HSPG2: variants seen among roughly 807,000 people sequenced by gnomAD.
The protein encoded by HSPG2 is basement membrane-specific heparan sulfate proteoglycan core protein.
HSPG2 carries 278 observed loss-of-function variants against 526.6 expected under a neutral mutation model. That is an observed-to-expected ratio of 0.53 (90% CI 0.48 to 0.58). HSPG2 has a LOEUF of 0.58. Ranked by LOEUF, HSPG2 falls within the 20% of genes least tolerant of loss-of-function variation. The pLI, the probability that HSPG2 is intolerant of heterozygous loss-of-function variation, is 0.00. For missense variants in HSPG2, 5,354 were observed against 6,099.5 expected (o/e 0.88, Z 4.07); for synonymous variants, 2,465 against 2,555.4 (o/e 0.96, Z 1.07).
rs1431679446 is a variant in HSPG2, at chr1:21,937,195, G to A, written c.23C>T (p.Ala8Val). The A allele has an allele frequency of 9.2e-7, 1 of 1,085,102 alleles. No homozygotes were observed. The highest frequency in any genetic ancestry group is 1.1e-6 in the Non-Finnish European group (1 of 883,852). The allele number at this position is 1,085,102 out of a possible 1,614,324, so 67.2% of individuals were successfully genotyped here. The part of the protein sequence containing the change: MGWRAAG[A>V]LLLALLLHGR... ...GTGCAGCAGCAGCGCCAGCAGCAGC[G>A]CGCCCGCCGCCCGCCACCCCATGGC... The change falls in exon 1 of 97, where the codon GCG becomes GTG. Residue 8 changes from alanine to valine, a missense_variant. Coordinates refer to ENST00000374695, the MANE Select transcript of HSPG2 (RefSeq NM_005529.7).
chr1:21,837,175 A>G (rs747076231), intron 74 of HSPG2, among the ~76,000 whole-genome samples, 169 bp from the exon 75 acceptor site: 1 of 152,234 alleles, frequency 6.6e-6, no homozygotes, highest in Non-Finnish European at 1.5e-5. Context: ...ATCTGCACAC[A>G]CAGCTGCCAT....
Position 21,887,993 on chromosome 1 carries a change from C to A in HSPG2, c.648G>T (p.Glu216Asp). Reference sequence around the variant, plus strand: ...AGTCGGGCCGCCGGTCACAGCGATACTCCAGGGCCACACACTCATTGTAGC... The same window carrying A: ...AGTCGGGCCGCCGGTCACAGCGATAATCCAGGGCCACACACTCATTGTAGC... The part of the protein sequence containing the change: ...CHSYNECVAL[E>D]YRCDRRPDCR... Residue 216 changes from glutamate to aspartate, a missense_variant, in exon 7 of 97, where the codon GAG (glutamate) becomes GAT (aspartate). Physicochemically the swap from Glu to Asp is conservative, Grantham distance 45 (BLOSUM62 2). Transcript: ENST00000374695. This position sits in a 1 kb window ranked among gnomAD's most constrained non-coding sequence, Gnocchi z 5.0. 6.2e-7 allele frequency: 1 copy of A among 1,614,200 alleles called. No homozygotes were observed. Among genetic ancestry groups the A allele is most frequent in the Non-Finnish European group, 8.5e-7 (1 of 1,180,040 alleles).
At chr1:21,925,690 C>G (rs1476417248) in intron 1 of HSPG2, among the ~76,000 whole-genome samples, 1 of 152,132 alleles carries the variant, frequency 6.6e-6, no homozygotes, top group African/African-American at 2.4e-5. Context: ...CTATAACCCT[C>G]TGCCAAGGCC....
At chr1:21,905,092 C>T (rs1372313238) in intron 1 of HSPG2, among the ~76,000 whole-genome samples, 2 of 152,064 alleles carry the variant, frequency 1.3e-5, no homozygotes, top group African/African-American at 4.8e-5. Context: ...TCCTGACTCA[C>T]CAACGGGTGA....
At chr1:21,875,826 G>A in intron 24 of HSPG2, 37 bp downstream of exon 24, 2 of 1,610,802 alleles carry the variant, frequency 1.2e-6, no homozygotes, top group Non-Finnish European at 1.7e-6. Context: ...GCAAGGGCCT[G>A]CCCGCACCCC....
chr1:21,881,939 T>C (rs1278138062), intron 13 of HSPG2, among the ~76,000 whole-genome samples: 1 of 49,648 alleles, frequency 2.0e-5, no homozygotes, highest in Non-Finnish European at 4.0e-5. Context: ...CAAGACTCTG[T>C]CTCAAAAAAA....
At position 21,858,960 on chromosome 1, in the gene HSPG2, C is replaced by G. The variant is rs1015730047; in HGVS notation, c.5293+606G>C. Reference sequence around the variant, plus strand: ...AGCAACAACTGCTCACGGTGGCAATCTGCTTGGTGACACAGCCTTTATGGA... The same window carrying G: ...AGCAACAACTGCTCACGGTGGCAATGTGCTTGGTGACACAGCCTTTATGGA... On this transcript the variant is annotated intron_variant, in intron 42 of 96. Coordinates refer to ENST00000374695, the MANE Select transcript of HSPG2 (RefSeq NM_005529.7). This position sits in a 1 kb window ranked among gnomAD's most constrained non-coding sequence, Gnocchi z 4.2. Among the ~76,000 whole-genome samples, 2 of 152,006 alleles carry G rather than the reference C, an allele frequency of 1.3e-5. No homozygotes were observed. Among genetic ancestry groups the G allele is most frequent in the South Asian group, 4.2e-4 (2 of 4,818 alleles).
At chr1:21,860,976 A>C (rs1044735055) in intron 39 of HSPG2, among the ~76,000 whole-genome samples, 1 of 152,262 alleles carries the variant, frequency 6.6e-6, no homozygotes, top group Middle Eastern at 3.2e-3. Context: ...GCACTGGCCC[A>C]GCCTGGAGAG....
intron 33 of HSPG2, among the ~76,000 whole-genome samples, chr1:21,867,937 C>G (rs144785728): frequency 1.3e-5 from 2 of 152,184 alleles, no homozygotes; most frequent in East Asian, 3.9e-4. Context: ...CCCATGTTGG[C>G]CAGGCTGGTC....
chr1:21,879,245 G>A (rs1046730927), intron 17 of HSPG2, 124 bp from the exon 18 acceptor site: 2 of 1,145,984 alleles, frequency 1.7e-6, no homozygotes, highest in Admixed American at 1.9e-5. Flanking sequence ...TTGCAGACAG[G>A]GGAGCATCAA....
In HSPG2 at chr1:21,829,533, GT is replaced by G; in HGVS notation, c.11841del (p.His3948ThrfsTer82). 6.2e-7 allele frequency: 1 copy of G among 1,613,050 alleles called. No individual in the cohort carries two copies. Among genetic ancestry groups the G allele is most frequent in the African/African-American group, 1.3e-5 (1 of 75,048 alleles). Reference protein sequence around the residue: ...SYLALPALTNTHHELRLDVEF... With the variant: ...SYLALPALTNXHHELRLDVEF... Reference sequence around the variant, plus strand: ...TCCACGTCCAGGCGTAGCTCGTGGTGTGTGTTGGTGAGGGCGGGCAGTGCCA... The same window carrying G: ...TCCACGTCCAGGCGTAGCTCGTGGTGGTGTTGGTGAGGGCGGGCAGTGCCA... On this transcript the variant is annotated frameshift_variant, in exon 87 of 97. Transcript: ENST00000374695. LOFTEE classifies it high-confidence loss of function.
chr1:21,882,434 C>T (rs1476307725), intron 13 of HSPG2, among the ~76,000 whole-genome samples: 1 of 151,298 alleles, frequency 6.6e-6, no homozygotes, highest in South Asian at 2.1e-4. Context: ...CACACACACA[C>T]ACACACACAG....
chr1:21,859,909 C>T lies in HSPG2; in HGVS notation c.5108G>A (p.Ser1703Asn), dbSNP rs764808131. 7.5e-6 allele frequency: 12 copies of T among 1,610,168 alleles called. No individual in the cohort carries two copies. The highest frequency in any genetic ancestry group is 1.0e-5 in the Non-Finnish European group (12 of 1,179,216). The change falls in exon 41 of 97, where the codon AGC becomes AAC. Residue 1703 changes from serine to asparagine, a missense_variant. Coordinates refer to ENST00000374695, the MANE Select transcript of HSPG2 (RefSeq NM_005529.7). This position sits in a 1 kb window ranked among gnomAD's most constrained non-coding sequence, Gnocchi z 5.3. ...GGACCAATAGAAGTAGTGGGGTGGG[C>T]TCCCACTGACCTGACACCGCAGGGA... ...SHSLRCQVSGSPPHYFYWSRE... is the reference protein window; with the variant it reads ...SHSLRCQVSGNPPHYFYWSRE...
At position 21,901,951 on chromosome 1, in the gene HSPG2, C is replaced by T. The variant is rs74919041; in HGVS notation, c.64-5641G>A. On this transcript the variant is annotated intron_variant, in intron 1 of 96. Transcript: ENST00000374695. Reference sequence around the variant, plus strand: ...GGGACATGAACCCAGACAAGGTCCCCATCCCCCTCTGCCAGGATGCAGGCT... The same window carrying T: ...GGGACATGAACCCAGACAAGGTCCCTATCCCCCTCTGCCAGGATGCAGGCT... Among the ~76,000 whole-genome samples the T allele has an allele frequency of 5.4e-3, 829 of 152,274 alleles. 8 individuals are homozygous for T. Among genetic ancestry groups the T allele is most frequent in the African/African-American group, 0.019 (804 of 41,552 alleles).
intron 1 of HSPG2, among the ~76,000 whole-genome samples, chr1:21,925,331 C>T (rs1390059168): frequency 6.6e-6 from 1 of 152,216 alleles, no homozygotes; most frequent in Non-Finnish European, 1.5e-5. Context: ...TGAAACAACA[C>T]AACGCGGGAC....
Position 21,864,125 on chromosome 1 carries a change from C to G in HSPG2, c.4715G>C (p.Cys1572Ser). The change falls in exon 37 of 97, where the codon TGC becomes TCC. Residue 1572 changes from cysteine (C) to serine (S), a missense_variant. Cys to Ser is a moderately radical substitution (Grantham distance 112). Coordinates refer to ENST00000374695, the MANE Select transcript of HSPG2 (RefSeq NM_005529.7). This position sits in a 1 kb window ranked among gnomAD's most constrained non-coding sequence, Gnocchi z 4.8. The stretch of plus-strand genomic sequence containing the variant: ...CGAGCAGGCCCCAGTCTCTGGGTGG[C>G]ACAGGTCTGAGTGGCCATTGCATTC... ...LCECNGHSDL[C>S]HPETGACSQC... is the part of the protein sequence containing the mutation. The G allele has an allele frequency of 6.4e-7, 1 of 1,555,630 alleles. No individual in the cohort carries two copies. Among genetic ancestry groups the G allele is most frequent in the Non-Finnish European group, 8.7e-7 (1 of 1,149,588 alleles).
chr1:21,862,583 C>CAAAAAAA (rs1164705115), intron 37 of HSPG2, among the ~76,000 whole-genome samples: 1 of 9,294 alleles, frequency 1.1e-4, no homozygotes, highest in African/African-American at 1.9e-4. Flanking sequence ...GACTCCATCT[C>CAAAAAAA]AAAAAAAAAA....
rs752099132 is a variant in HSPG2 at position 21,853,018 on chromosome 1, C to T, written c.6492G>A (p.Ala2164=). The T allele has an allele frequency of 4.3e-5, 70 of 1,613,776 alleles. No homozygotes were observed. The highest frequency in any genetic ancestry group is 3.3e-4 in the Middle Eastern group (2 of 6,080). ...IRIEPSSSHV[A]EGQTLDLNCV... ...AGTTCAGATCCAGGGTCTGCCCTTC[C>T]GCCACGTGTGAGGAGGAGGGCTCGA... The change falls in exon 51 of 97, where the codon GCG becomes GCA. Residue 2164 remains alanine, a synonymous_variant. Coordinates refer to ENST00000374695, the MANE Select transcript of HSPG2 (RefSeq NM_005529.7).
chr1:21,864,108 C>G lies in HSPG2; in HGVS notation c.4732G>C (p.Ala1578Pro). The change falls in exon 37 of 97, where the codon GCC becomes CCC. Residue 1578 changes from alanine to proline, a missense_variant. Physicochemically the swap from Ala to Pro is conservative, Grantham distance 27. Transcript: ENST00000374695. This position sits in a 1 kb window ranked among gnomAD's most constrained non-coding sequence, Gnocchi z 4.8. ...HSDLCHPETG[A>P]CSQCQHNAAG... ...CCTCGCTTGCAGCTCACCGAGCAGG[C>G]CCCAGTCTCTGGGTGGCACAGGTCT... is the stretch of plus-strand genomic sequence containing the variant. The G allele has an allele frequency of 6.4e-7, 1 of 1,552,972 alleles. No individual in the cohort carries two copies. The highest frequency in any genetic ancestry group is 8.7e-7 in the Non-Finnish European group (1 of 1,148,108).
Sources: gnomAD v4.1 joint callset for allele counts (sites outside exome capture counted in the v4.1 genomes callset) on GRCh38, gnomAD v4.1.1 for gene constraint, Gnocchi (gnomAD v3.1) non-coding constraint, MANE v1.5 for transcripts, NCBI Gene and HGNC (gene_info 2026-07-23, HGNC 2026-07-21) for gene names.